Variants in NEBL observed in about 807,000 individuals in gnomAD.
NEBL encodes LIM and SH3 protein 2.
NEBL carries 122 observed loss-of-function variants against 140.2 expected under a neutral mutation model. The observed-to-expected ratio is 0.87, with a 90% CI of 0.75 to 1.01. NEBL has a LOEUF of 1.01. Among genes scored for constraint, NEBL ranks in the 50% least tolerant of loss-of-function variants. NEBL has a pLI of 0.00. For missense variants in NEBL, 1,365 were observed against 1,231.3 expected, an observed-to-expected ratio of 1.11 and a Z score of -1.62; for synonymous variants, 436 against 398.9, an observed-to-expected ratio of 1.09 and a Z score of -1.11.
chr10:21,077,266 G>C (rs1836141109), intron 2 of NEBL, among the ~76,000 whole-genome samples: 1 of 152,058 alleles, frequency 6.6e-6, no homozygotes. Context: ...GAAAAGCTTT[G>C]TTCCTCACTC....
intron 2 of NEBL, among the ~76,000 whole-genome samples, chr10:21,142,528 G>A (rs892464558): frequency 4.6e-5 from 7 of 152,140 alleles, no homozygotes; most frequent in South Asian, 2.1e-4. Context: ...TTCCAACAGC[G>A]TCAGTTATGA....
intron 3 of NEBL, among the ~76,000 whole-genome samples, chr10:20,985,178 C>G (rs1488622970): frequency 6.6e-6 from 1 of 152,094 alleles, no homozygotes; most frequent in Non-Finnish European, 1.5e-5. Flanking sequence ...CATCCTGTGC[C>G]CCATCCATGG....
At chr10:20,816,483 T>C (rs973357338) in intron 21 of NEBL, among the ~76,000 whole-genome samples, 5 of 152,140 alleles carry the variant, frequency 3.3e-5, no homozygotes, top group Non-Finnish European at 7.3e-5. Flanking sequence ...TGTTCCTTTT[T>C]GAGAATAATG....
intron 5 of NEBL, among the ~76,000 whole-genome samples, chr10:20,874,758 A>G (rs703099): frequency 0.96 from 146,469 of 152,204 alleles, 70,660 homozygotes; most frequent in Middle Eastern, 1. Flanking sequence ...TTCTTTTTTG[A>G]AGATGAAGTC....
intron 4 of NEBL, among the ~76,000 whole-genome samples, chr10:20,937,157 G>C (rs1257863859): frequency 6.6e-6 from 1 of 152,054 alleles, no homozygotes; most frequent in African/African-American, 2.4e-5. Context: ...ATGCTAAACT[G>C]GTTTTCCCAT....
intron 4 of NEBL, among the ~76,000 whole-genome samples, chr10:20,952,694 C>A (rs1372174383): frequency 1.3e-5 from 2 of 151,470 alleles, no homozygotes; most frequent in Non-Finnish European, 2.9e-5. Flanking sequence ...CACTTGAGGA[C>A]AGGAATTTGA....
intron 2 of NEBL, among the ~76,000 whole-genome samples, chr10:21,158,430 CTAT>C (rs1432803369): frequency 6.6e-6 from 1 of 152,150 alleles, no homozygotes; most frequent in African/African-American, 2.4e-5. Flanking sequence ...GTAGCAAATA[CTAT>C]TATTATCAGC....
intron 2 of NEBL, among the ~76,000 whole-genome samples, chr10:21,104,481 G>A (rs967461065): frequency 1.3e-5 from 2 of 152,114 alleles, no homozygotes; most frequent in Non-Finnish European, 2.9e-5. Flanking sequence ...TATTTCATAA[G>A]TTTTGATGCT....
chr10:21,093,347 T>C (rs1837014999), intron 2 of NEBL, among the ~76,000 whole-genome samples: 1 of 151,988 alleles, frequency 6.6e-6, no homozygotes. Flanking sequence ...CAAAATTTTA[T>C]AGGTGAGAAA....
intron 2 of NEBL, among the ~76,000 whole-genome samples, chr10:21,050,561 G>A (rs2131851562): frequency 6.6e-6 from 1 of 152,314 alleles, no homozygotes; most frequent in South Asian, 2.1e-4. Flanking sequence ...AGAAGCATGA[G>A]AACAATGAAC....
chr10:21,226,868 T>A (rs1842158297), intron 3 of NEBL, among the ~76,000 whole-genome samples: 1 of 152,150 alleles, frequency 6.6e-6, no homozygotes, highest in Admixed American at 6.6e-5. Flanking sequence ...GGTCCTATGC[T>A]TTTTTGTGTG....
At chr10:21,059,134 C>A (rs1835167280) in intron 2 of NEBL, among the ~76,000 whole-genome samples, 1 of 152,222 alleles carries the variant, frequency 6.6e-6, no homozygotes, top group African/African-American at 2.4e-5. Context: ...ACCACCACCC[C>A]CAGCAGTCGG....
chr10:21,034,910 G>C (rs966169365), intron 2 of NEBL, among the ~76,000 whole-genome samples: 1 of 151,730 alleles, frequency 6.6e-6, no homozygotes, highest in African/African-American at 2.4e-5. Flanking sequence ...CCATCACCTA[G>C]GTGTTAAGCC....
At chr10:21,073,151 C>G (rs1835894584) in intron 2 of NEBL, among the ~76,000 whole-genome samples, 1 of 152,066 alleles carries the variant, frequency 6.6e-6, no homozygotes, top group Non-Finnish European at 1.5e-5. Flanking sequence ...GTGTACTCCC[C>G]AACCCTGGAA....
At position 20,827,778 on chromosome 10, in the gene NEBL, T is replaced by A. The variant is rs562584769; in HGVS notation, c.1776+752A>T. 3.9e-5 allele frequency among the ~76,000 whole-genome samples: 6 copies of A among 152,194 alleles called. No individual in the cohort carries two copies. In the East Asian group the frequency reaches 1.2e-3, roughly 29 times the overall value. ...TGAGATCATGGCCTTTGCAGGGACA[T>A]GGATGGAGCTAGATGCCATTATACT... On this transcript the variant is annotated intron_variant, in intron 17 of 27. Coordinates refer to ENST00000377122, the MANE Select transcript of NEBL (RefSeq NM_006393.3).
intron 2 of NEBL, among the ~76,000 whole-genome samples, chr10:21,108,054 C>G (rs903432868): frequency 6.6e-6 from 1 of 152,046 alleles, no homozygotes; most frequent in Non-Finnish European, 1.5e-5. Context: ...TGATTCTTCT[C>G]TCTTTTCTCT....
rs144946187 is a variant in NEBL, at chr10:20,785,828, G to A, written c.2964C>T (p.Asp988=). 439 of 1,613,866 alleles carry A rather than the reference G, an allele frequency of 2.7e-4. No individual in the cohort carries two copies. The highest frequency in any genetic ancestry group is 3.8e-4 in the East Asian group (17 of 44,880). Residue 988 remains aspartate (D), a synonymous_variant, in exon 28 of 28, where the codon GAC becomes GAT. Transcript: ENST00000377122. ...GCACTGTGCCGTACATCCAGCCATC[G>A]TCAATAGGCTGCACGTTGACGATGT... The part of the protein sequence containing the change: ...GDYIVNVQPI[D]DGWMYGTVQR...
intron 4 of NEBL, among the ~76,000 whole-genome samples, chr10:20,932,521 C>T (rs1834242930): frequency 6.6e-6 from 1 of 152,132 alleles, no homozygotes; most frequent in Admixed American, 6.6e-5. Flanking sequence ...AGCAAACCAC[C>T]ATGGCACATG....
At chr10:21,089,036 T>C (rs772745210) in intron 2 of NEBL, among the ~76,000 whole-genome samples, 27 of 152,046 alleles carry the variant, frequency 1.8e-4, no homozygotes, top group Non-Finnish European at 3.7e-4. Flanking sequence ...TGAGGAGAGA[T>C]GGTGCAGTGA....
Sources: gnomAD v4.1 joint callset for allele counts (sites outside exome capture counted in the v4.1 genomes callset) on GRCh38, gnomAD v4.1.1 for gene constraint, MANE v1.5 for transcripts, NCBI Gene and HGNC (gene_info 2026-07-23, HGNC 2026-07-21) for gene names.